EPHA5: variants seen among roughly 807,000 people sequenced by gnomAD.
EPHA5 encodes the protein ephrin type-A receptor 5.
EPHA5 carries 60 observed loss-of-function variants against 105.0 expected under a neutral mutation model. The observed-to-expected ratio is 0.57, with a 90% confidence interval of 0.46 to 0.71. EPHA5 has a LOEUF of 0.71. Among genes scored for constraint, EPHA5 ranks in the 30% least tolerant of loss-of-function variants. EPHA5 has a pLI of 0.00. For synonymous variants in EPHA5, 513 were observed against 449.1 expected, an observed-to-expected ratio of 1.14 and a Z score of -1.80; for missense variants, 1,218 against 1,274.7, an observed-to-expected ratio of 0.96 and a Z score of 0.68.
At chr4:65,651,690 A>G (rs891650417) in intron 1 of EPHA5, among the ~76,000 whole-genome samples, 1 of 152,198 alleles carries the variant, frequency 6.6e-6, no homozygotes, top group African/African-American at 2.4e-5. Flanking sequence ...TCATCACCAC[A>G]AAGATGTTAT....
At chr4:65,361,664 C>T (rs1717335285) in intron 11 of EPHA5, among the ~76,000 whole-genome samples, 1 of 151,708 alleles carries the variant, frequency 6.6e-6, no homozygotes, top group South Asian at 2.1e-4. Flanking sequence ...TAAGTCAAAA[C>T]TGTCTAGCAG....
intron 3 of EPHA5, among the ~76,000 whole-genome samples, chr4:65,592,002 C>T (rs1471445207): frequency 6.6e-6 from 1 of 151,972 alleles, no homozygotes; most frequent in African/African-American, 2.4e-5. Flanking sequence ...TTTTATCTTC[C>T]TATCAGTCCA....
At chr4:65,553,154 G>A (rs1738085023) in intron 3 of EPHA5, among the ~76,000 whole-genome samples, 1 of 152,008 alleles carries the variant, frequency 6.6e-6, no homozygotes. Context: ...ATGAGTTTAG[G>A]AATAAGTTGG....
At chr4:65,631,750 T>C (rs2149492344) in intron 2 of EPHA5, among the ~76,000 whole-genome samples, 1 of 150,978 alleles carries the variant, frequency 6.6e-6, no homozygotes, top group East Asian at 1.9e-4. Flanking sequence ...ATAATAATAA[T>C]AATAAAAGAG....
Position 65,518,993 on chromosome 4 carries a change from C to T in EPHA5, c.911-23450G>A, listed in dbSNP as rs140493776. Among the ~76,000 whole-genome samples the T allele has an allele frequency of 8.7e-4, 132 of 152,106 alleles. 2 individuals carry two copies. In the East Asian group the frequency reaches 0.021, roughly 24 times the overall value. Reference sequence around the variant, plus strand: ...GGCCAGCATCATCCTGATACCAAAGCCTGGCAGAGACACAACCAAAAAAGA... The same window carrying T: ...GGCCAGCATCATCCTGATACCAAAGTCTGGCAGAGACACAACCAAAAAAGA... On this transcript the variant is annotated intron_variant, in intron 3 of 16. Coordinates refer to ENST00000613740, the MANE Select transcript of EPHA5 (RefSeq NM_001281766.3).
At chr4:65,496,144 C>G (rs1731908158) in intron 3 of EPHA5, among the ~76,000 whole-genome samples, 1 of 152,074 alleles carries the variant, frequency 6.6e-6, no homozygotes, top group Non-Finnish European at 1.5e-5. Flanking sequence ...TTTGAGACAC[C>G]TACTGATTCA....
chr4:65,384,709 C>T (rs938963060), intron 8 of EPHA5, among the ~76,000 whole-genome samples: 1 of 151,906 alleles, frequency 6.6e-6, no homozygotes, highest in Admixed American at 6.6e-5. Flanking sequence ...GTGATTTCAG[C>T]TTATTTCCAC....
intron 3 of EPHA5, among the ~76,000 whole-genome samples, chr4:65,593,445 G>C (rs1458732118): frequency 2.0e-5 from 3 of 152,118 alleles, no homozygotes; most frequent in African/African-American, 7.2e-5. Flanking sequence ...CACACTCACT[G>C]CAAGAGTGCT....
chr4:65,539,777 G>C (rs562026949), intron 3 of EPHA5, among the ~76,000 whole-genome samples: 11 of 151,516 alleles, frequency 7.3e-5, no homozygotes, highest in African/African-American at 2.4e-4. Flanking sequence ...TGTTATTGCT[G>C]TTACTATGAG....
chr4:65,372,879 TA>T (rs1718624935), intron 8 of EPHA5, among the ~76,000 whole-genome samples: 1 of 151,902 alleles, frequency 6.6e-6, no homozygotes, highest in African/African-American at 2.4e-5. Flanking sequence ...CTCTTACTAA[TA>T]AATTCTTCAA....
intron 3 of EPHA5, among the ~76,000 whole-genome samples, chr4:65,600,242 CTTT>C (rs1743587806): frequency 6.6e-6 from 1 of 152,116 alleles, no homozygotes; most frequent in Non-Finnish European, 1.5e-5. Flanking sequence ...TAGAACATTT[CTTT>C]AATTCCAGTC....
chr4:65,454,692 C>T (rs1260604996), intron 5 of EPHA5, among the ~76,000 whole-genome samples: 1 of 152,206 alleles, frequency 6.6e-6, no homozygotes, highest in East Asian at 1.9e-4. Context: ...AAATTGATGC[C>T]TATTATAACT....
intron 3 of EPHA5, among the ~76,000 whole-genome samples, chr4:65,517,145 T>C (rs1352997454): frequency 1.3e-5 from 2 of 152,048 alleles, no homozygotes; most frequent in African/African-American, 4.8e-5. Flanking sequence ...TTAGGGACTT[T>C]TTAAATGTAC....
At chr4:65,587,961 G>A (rs1173568983) in intron 3 of EPHA5, among the ~76,000 whole-genome samples, 5 of 152,070 alleles carry the variant, frequency 3.3e-5, no homozygotes, top group African/African-American at 4.8e-5. Context: ...CTAAGTCAAG[G>A]TGACAAAATT....
At chr4:65,533,701 G>A (rs1368219656) in intron 3 of EPHA5, among the ~76,000 whole-genome samples, 1 of 152,104 alleles carries the variant, frequency 6.6e-6, no homozygotes, top group African/African-American at 2.4e-5. Context: ...TTGGGAGGCC[G>A]AGGTGGGCGG....
chr4:65,534,212 A>C (rs1031134015), intron 3 of EPHA5, among the ~76,000 whole-genome samples: 1 of 152,094 alleles, frequency 6.6e-6, no homozygotes, highest in Non-Finnish European at 1.5e-5. Flanking sequence ...TTTTGGGTAA[A>C]ATTGAAAATT....
At chr4:65,632,220 C>T (rs1746704679) in intron 2 of EPHA5, among the ~76,000 whole-genome samples, 1 of 152,022 alleles carries the variant, frequency 6.6e-6, no homozygotes, top group Admixed American at 6.6e-5. Flanking sequence ...AACTATACTG[C>T]CATTAAGGAT....
intron 13 of EPHA5, among the ~76,000 whole-genome samples, chr4:65,348,673 TATATATATATATATATATATATATAA>T (rs1407330796): frequency 2.8e-4 from 18 of 65,384 alleles, no homozygotes; most frequent in Non-Finnish European, 5.1e-4. Context: ...TATATATATA[TATATATATATATATATATATATATAA>T]AATATATATG....
intron 5 of EPHA5, among the ~76,000 whole-genome samples, chr4:65,425,478 G>A (rs1374006839): frequency 6.6e-6 from 1 of 152,034 alleles, no homozygotes; most frequent in Non-Finnish European, 1.5e-5. Context: ...AGAAAATTCT[G>A]ACTCTGTAGG....
Sources: gnomAD v4.1 joint callset for allele counts (sites outside exome capture counted in the v4.1 genomes callset) on GRCh38, gnomAD v4.1.1 for gene constraint, MANE v1.5 for transcripts, NCBI Gene and HGNC (gene_info 2026-07-23, HGNC 2026-07-21) for gene names.